NIPAL4: variants seen among roughly 807,000 people sequenced by gnomAD.
NIPAL4 encodes magnesium transporter NIPA4.
Under a neutral mutation model 31.6 loss-of-function variants are expected in NIPAL4, and 21 were observed. The ratio of observed to expected loss-of-function variants is 0.67; its 90% CI spans 0.47 to 0.96. The LOEUF is 0.96. Among genes scored for constraint, NIPAL4 ranks in the 40% least tolerant of loss-of-function variants. The probability of loss-of-function intolerance (pLI) is 0.00; values close to 1 mark genes in which losing one functional copy is unlikely to be tolerated. For synonymous variants in NIPAL4, 175 were observed against 211.1 expected (o/e 0.83, Z 1.48); for missense variants, 438 against 508.0 (o/e 0.86, Z 1.32).
chr5:157,468,677 G>A, intron 3 of NIPAL4, 45 bp from the exon 4 acceptor site: 1 of 1,068,316 alleles, frequency 9.4e-7, no homozygotes, highest in South Asian at 1.3e-5. Context: ...AATGGAGATG[G>A]TGCTTCTGCG....
rs551651038 is a variant in NIPAL4, at chr5:157,460,483, G to T, written c.37+126G>T. Reference sequence around the variant, plus strand: ...AGCTGGGGAGGGGCAGGGCCAGCACGAGGTGGCTCCCACCCAGCTTTGAAG... The same window carrying T: ...AGCTGGGGAGGGGCAGGGCCAGCACTAGGTGGCTCCCACCCAGCTTTGAAG... On this transcript the variant is annotated intron_variant, in intron 1 of 5. Coordinates refer to ENST00000311946, the MANE Select transcript of NIPAL4 (RefSeq NM_001099287.2). 1,496 of 939,554 alleles carry T rather than the reference G, an allele frequency of 1.6e-3. 3 individuals carry two copies. The highest frequency in any genetic ancestry group is 2.2e-3 in the Admixed American group (109 of 50,244). The allele number at this position is 939,554 out of a possible 1,614,324, so 58.2% of individuals were successfully genotyped here.
chr5:157,464,013 G>C (rs1754185226), intron 2 of NIPAL4, among the ~76,000 whole-genome samples: 1 of 152,068 alleles, frequency 6.6e-6, no homozygotes, highest in South Asian at 2.1e-4. Context: ...ATAGGCAGTT[G>C]TTTTATCATG....
chr5:157,474,290 G>A lies in NIPAL4; in HGVS notation c.*1330G>A, dbSNP rs1754525939. The A allele has an allele frequency of 6.6e-6, 1 of 152,240 alleles. No homozygotes were observed. Among genetic ancestry groups the A allele is most frequent in the Admixed American group, 6.5e-5 (1 of 15,292 alleles). The allele number at this position is 152,240 out of a possible 1,614,324, so 9.4% of individuals were successfully genotyped here. A position where few individuals can be genotyped will look rare whatever the true frequency, so the allele number is the denominator to read the frequency against. ...CAAAAAACCAGAGCAGCTGGAGAGG[G>A]AGATAATTACTATTCCTTCCCTTCC... On this transcript the variant is annotated 3_prime_UTR_variant, in exon 6 of 6. Coordinates refer to ENST00000311946, the MANE Select transcript of NIPAL4 (RefSeq NM_001099287.2).
chr5:157,472,327 C>T lies in NIPAL4; in HGVS notation c.587-5C>T. 1 of 1,595,246 alleles carries T rather than the reference C, an allele frequency of 6.3e-7. No individual in the cohort carries two copies. Among genetic ancestry groups the T allele is most frequent in the Non-Finnish European group, 8.5e-7 (1 of 1,172,928 alleles). The stretch of plus-strand genomic sequence containing the variant: ...CAAGTGATCCTTCTCTCTCTCCTCC[C>T]AAAGGGTTCATCGTGTTTGCTGTGC... On this transcript the variant is annotated splice_polypyrimidine_tract_variant and splice_region_variant and intron_variant, in intron 5 of 5. Coordinates refer to ENST00000311946, the MANE Select transcript of NIPAL4 (RefSeq NM_001099287.2).
At chr5:157,468,665 G>A (rs1167602471) in intron 3 of NIPAL4, 57 bp from the exon 4 acceptor site, 1 of 971,964 alleles carries the variant, frequency 1.0e-6, no homozygotes, top group African/African-American at 1.6e-5. Flanking sequence ...TTATTCGTCT[G>A]GAATGGAGAT....
Position 157,467,056 on chromosome 5 carries a change from A to T in NIPAL4, c.285A>T (p.Gly95=). ...VATGATRAVD[G]GFGYLKDAMW... Reference sequence around the variant, plus strand: ...TGTCCATTCCCTCCACAGTGGATGGAGGCTTCGGCTACCTGAAAGATGCAA... The same window carrying T: ...TGTCCATTCCCTCCACAGTGGATGGTGGCTTCGGCTACCTGAAAGATGCAA... Residue 95 remains glycine (G), a synonymous_variant, in exon 3 of 6, where the codon GGA becomes GGT. Coordinates refer to ENST00000311946, the MANE Select transcript of NIPAL4 (RefSeq NM_001099287.2). 2 of 1,608,504 alleles carry T rather than the reference A, an allele frequency of 1.2e-6. No homozygotes were observed. The highest frequency in any genetic ancestry group is 1.7e-6 in the Non-Finnish European group (2 of 1,176,104).
intron 1 of NIPAL4, 102 bp downstream of exon 1, chr5:157,460,459 G>C: frequency 8.3e-7 from 1 of 1,206,744 alleles, no homozygotes; most frequent in Non-Finnish European, 1.2e-6. Flanking sequence ...GGGGGCCAAA[G>C]CTGGGGAGGG....
rs1376749061 is a variant in NIPAL4, at chr5:157,467,113, G to T, written c.334+8G>T. On this transcript the variant is annotated splice_region_variant and intron_variant, in intron 3 of 5. Coordinates refer to ENST00000311946, the MANE Select transcript of NIPAL4 (RefSeq NM_001099287.2). ...GGGCTGGATTTCTCACCAGTAAGTG[G>T]GTTGTTTGTTACTAATAACAGTGGC... The T allele has an allele frequency of 3.1e-6, 5 of 1,608,796 alleles. No homozygotes were observed. The East Asian group carries it at 6.7e-5, about 22-fold the overall frequency.
chr5:157,471,856 G>T, intron 5 of NIPAL4, 39 bp downstream of exon 5: 2 of 1,498,038 alleles, frequency 1.3e-6, no homozygotes, highest in Non-Finnish European at 1.8e-6. Flanking sequence ...AAATACTGGA[G>T]GTTGAACACC....
intron 2 of NIPAL4, among the ~76,000 whole-genome samples, chr5:157,464,559 C>A (rs1754202938): frequency 6.6e-6 from 1 of 151,870 alleles, no homozygotes; most frequent in Non-Finnish European, 1.5e-5. Context: ...GATTCCAAAG[C>A]TAGTTTTTGA....
At chr5:157,466,731 G>T (rs1298856499) in intron 2 of NIPAL4, among the ~76,000 whole-genome samples, 1 of 152,180 alleles carries the variant, frequency 6.6e-6, no homozygotes, top group African/African-American at 2.4e-5. Flanking sequence ...TTTGGCAGGT[G>T]GGTGGGGAAC....
intron 2 of NIPAL4, 55 bp downstream of exon 2, chr5:157,463,388 G>T: frequency 6.5e-7 from 1 of 1,530,976 alleles, no homozygotes; most frequent in East Asian, 2.3e-5. Context: ...CTCTCACAAG[G>T]TCCGGGGCTG....
intron 2 of NIPAL4, among the ~76,000 whole-genome samples, chr5:157,465,826 G>A (rs1754257387): frequency 1.3e-5 from 2 of 151,990 alleles, no homozygotes; most frequent in African/African-American, 2.4e-5. Flanking sequence ...ACCCCCATCT[G>A]TACAGAAAAT....
At chr5:157,461,634 G>A (rs919835823) in intron 1 of NIPAL4, among the ~76,000 whole-genome samples, 9 of 152,228 alleles carry the variant, frequency 5.9e-5, no homozygotes, top group African/African-American at 2.2e-4. Context: ...GAGCAGTGCA[G>A]AACAAGTCTG....
intron 2 of NIPAL4, 22 bp from the exon 3 acceptor site, chr5:157,467,027 T>C: frequency 1.2e-6 from 2 of 1,603,266 alleles, no homozygotes; most frequent in African/African-American, 1.3e-5. Context: ...CCATCCTAAC[T>C]TTGTGTCCAT....
chr5:157,463,392 G>A lies in NIPAL4; in HGVS notation c.277+59G>A, dbSNP rs73309962. ...GGGCAGCTGAGCTCTCACAAGGTCCGGGGCTGTAGTCTAAGAGGATGGCCT... is the reference window on the plus strand; with the variant it reads ...GGGCAGCTGAGCTCTCACAAGGTCCAGGGCTGTAGTCTAAGAGGATGGCCT... On this transcript the variant is annotated intron_variant, in intron 2 of 5. Coordinates refer to ENST00000311946, the MANE Select transcript of NIPAL4 (RefSeq NM_001099287.2). The A allele has an allele frequency of 3.6e-3, 5,541 of 1,520,776 alleles. 154 individuals carry two copies. The African/African-American group carries it at 0.069, about 19-fold the overall frequency. 94.2% of individuals were successfully genotyped at this position (1,520,776 alleles called of 1,614,324 possible).
rs895098239 is a variant in NIPAL4, at chr5:157,462,966, AG to A, written c.38-126del. On this transcript the variant is annotated intron_variant, in intron 1 of 5. Transcript: ENST00000311946. ...ACTGAACATAATTATTTTTAGGTGG[AG>A]GCACGGTATATGGGTATAGCCCTGC... 5.2e-6 allele frequency: 6 copies of A among 1,164,080 alleles called. No individual in the cohort carries two copies. In the African/African-American group the frequency reaches 9.3e-5, roughly 18 times the overall value. The allele number at this position is 1,164,080 out of a possible 1,614,324, so 72.1% of individuals were successfully genotyped here. A position where few individuals can be genotyped will look rare whatever the true frequency, so the allele number is the denominator to read the frequency against.
intron 4 of NIPAL4, 98 bp from the exon 5 acceptor site, chr5:157,471,559 C>A: frequency 1.1e-6 from 1 of 922,878 alleles, no homozygotes; most frequent in Non-Finnish European, 1.6e-6. Flanking sequence ...GAGTTCTGAT[C>A]TGTTGTTCTC....
intron 4 of NIPAL4, among the ~76,000 whole-genome samples, chr5:157,469,946 G>A (rs879602758): frequency 9.9e-5 from 15 of 152,140 alleles, no homozygotes; most frequent in Non-Finnish European, 1.5e-4. Flanking sequence ...ATTCCTACCC[G>A]GGGGAAGTTG....
Sources: gnomAD v4.1 joint callset for allele counts (sites outside exome capture counted in the v4.1 genomes callset) on GRCh38, gnomAD v4.1.1 for gene constraint, MANE v1.5 for transcripts, NCBI Gene and HGNC (gene_info 2026-07-23, HGNC 2026-07-21) for gene names.